The following NFATC2 variants were observed in gnomAD, a reference collection of about 807,000 sequenced individuals.
The protein encoded by NFATC2 is nuclear factor of activated T-cells, cytoplasmic 2.
Under a neutral mutation model 87.3 loss-of-function variants are expected in NFATC2, and 22 were observed. The ratio of observed to expected loss-of-function variants is 0.25; its 90% CI spans 0.18 to 0.36. The LOEUF (loss-of-function observed/expected upper bound fraction) is 0.36. Ranked by LOEUF, NFATC2 falls within the 10% of genes least tolerant of loss-of-function variation. The pLI, the probability that NFATC2 is intolerant of heterozygous loss-of-function variation, is 1.00. For synonymous variants in NFATC2, 565 were observed against 542.2 expected (o/e 1.04, Z -0.58); for missense variants, 1,149 against 1,259.1 (o/e 0.91, Z 1.32).
At chr20:51,517,205 G>A (rs1284737573) in intron 2 of NFATC2, among the ~76,000 whole-genome samples, 3 of 152,156 alleles carry the variant, frequency 2.0e-5, no homozygotes, top group African/African-American at 7.2e-5. Flanking sequence ...TGTACAGCAT[G>A]TGACTGTACT....
chr20:51,493,743 C>T (rs1284426830), intron 3 of NFATC2, among the ~76,000 whole-genome samples: 2 of 152,106 alleles, frequency 1.3e-5, no homozygotes, highest in Non-Finnish European at 2.9e-5. Flanking sequence ...CAGCTTGGTC[C>T]CTGTCCAATC....
At chr20:51,458,626 G>A (rs1351524258) in intron 5 of NFATC2, among the ~76,000 whole-genome samples, 42 of 148,492 alleles carry the variant, frequency 2.8e-4, no homozygotes, top group Admixed American at 2.6e-3. Context: ...GTGAAACCCC[G>A]TCTCTACTAA....
chr20:51,398,551 A>G (rs1206000940), intron 10 of NFATC2, 92 bp downstream of exon 10: 1 of 795,888 alleles, frequency 1.3e-6, no homozygotes, highest in Admixed American at 3.1e-5. Flanking sequence ...CAGCCTGTCA[A>G]GTTTTCTTAT....
chr20:51,435,896 C>T (rs1019958215), intron 6 of NFATC2, 135 bp from the exon 7 acceptor site: 13 of 699,662 alleles, frequency 1.9e-5, no homozygotes, highest in Admixed American at 2.3e-5. Flanking sequence ...AATATGTGCA[C>T]GTGTGTGTAC....
rs1428682477 is a variant in NFATC2, at chr20:51,562,018, T to C, written c.70+542A>G. On this transcript the variant is annotated intron_variant, in intron 1 of 10. Transcript: ENST00000414705. This position sits in a 1 kb window ranked among gnomAD's most constrained non-coding sequence, Gnocchi z 5.8. ...TTAAAGGGGTAGCTGGAGGACTCTATCCAGCAGGCACATCAAAAAGGGGGA... is the reference window on the plus strand; with the variant it reads ...TTAAAGGGGTAGCTGGAGGACTCTACCCAGCAGGCACATCAAAAAGGGGGA... Among the ~76,000 whole-genome samples, 1 of 152,020 alleles carries C rather than the reference T, an allele frequency of 6.6e-6. No individual in the cohort carries two copies.
At chr20:51,533,637 G>GAC (rs1234054090) in intron 1 of NFATC2, among the ~76,000 whole-genome samples, 1 of 152,236 alleles carries the variant, frequency 6.6e-6, no homozygotes, top group African/African-American at 2.4e-5. Context: ...CCCCAGCTAA[G>GAC]ACAGCTGTCT....
Position 51,432,297 on chromosome 20 carries a change from A to C in NFATC2, c.2492T>G (p.Ile831Ser), listed in dbSNP as rs1376160386. 4 of 1,614,014 alleles carry C rather than the reference A, an allele frequency of 2.5e-6. No individual in the cohort carries two copies. The highest frequency in any genetic ancestry group is 1.3e-5 in the African/African-American group (1 of 74,888). The change falls in exon 9 of 11, where the codon ATC becomes AGC. Residue 831 changes from isoleucine (I) to serine (S), a missense_variant. Transcript: ENST00000371564. This position sits in a 1 kb window ranked among gnomAD's most constrained non-coding sequence, Gnocchi z 4.6. ...TGGTGCGAAATTCTCGCAGTACATG[A>C]TGTGCTGGAACTCCTGGTGGCTTCC... ...RCGSHQEFQH[I>S]MYCENFAPGT...
intron 9 of NFATC2, among the ~76,000 whole-genome samples, chr20:51,424,020 C>T (rs747082987): frequency 2.3e-4 from 35 of 152,148 alleles, no homozygotes; most frequent in Non-Finnish European, 4.1e-4. Context: ...CTAAGTGGCA[C>T]AGCTTGAAAT....
intron 1 of NFATC2, among the ~76,000 whole-genome samples, chr20:51,551,843 T>C (rs112600871): frequency 0.15 from 21,932 of 151,120 alleles, 2,115 homozygotes; most frequent in African/African-American, 0.28. Flanking sequence ...CTGGCTAACA[T>C]GGTGAAACCC....
intron 6 of NFATC2, among the ~76,000 whole-genome samples, chr20:51,444,645 C>G (rs1984811998): frequency 6.6e-6 from 1 of 152,184 alleles, no homozygotes; most frequent in East Asian, 1.9e-4. Context: ...GGGAGGAAAT[C>G]AAAGTGTCAG....
At chr20:51,433,204 C>T (rs1050122943) in intron 8 of NFATC2, among the ~76,000 whole-genome samples, 3 of 152,146 alleles carry the variant, frequency 2.0e-5, no homozygotes, top group Admixed American at 1.3e-4. Context: ...TACGCCCTGC[C>T]TCCAAATGTC....
chr20:51,474,132 A>G lies in NFATC2; in HGVS notation c.1556T>C (p.Leu519Ser). 6.2e-7 allele frequency: 1 copy of G among 1,614,152 alleles called. No homozygotes were observed. Among genetic ancestry groups the G allele is most frequent in the Non-Finnish European group, 8.5e-7 (1 of 1,180,030 alleles). ...MRATIDCAGI[L>S]KLRNADIELR... ...CTCAATGTCGGCGTTTCTAAGCTTCAAGATCCCCGCACAGTCGATGCTGCC... is the reference window on the plus strand; with the variant it reads ...CTCAATGTCGGCGTTTCTAAGCTTCGAGATCCCCGCACAGTCGATGCTGCC... Residue 519 changes from leucine to serine, a missense_variant, in exon 5 of 11, where the codon TTG (leucine) becomes TCG (serine). By Grantham distance (145) the Leu-to-Ser change is moderately radical. Around this residue, in one of 3 missense-constraint regions of NFATC2, gnomAD observed 581 missense variants for 649.7 expected, o/e 0.89. Coordinates refer to ENST00000371564, the MANE Select transcript of NFATC2 (RefSeq NM_012340.5).
chr20:51,424,689 G>C (rs1445423533), intron 9 of NFATC2, among the ~76,000 whole-genome samples: 2 of 152,250 alleles, frequency 1.3e-5, no homozygotes, highest in African/African-American at 2.4e-5. Flanking sequence ...GGTCCCCATT[G>C]ACCAAATGAC....
chr20:51,552,648 C>T (rs541795604), intron 1 of NFATC2, among the ~76,000 whole-genome samples: 2 of 152,250 alleles, frequency 1.3e-5, no homozygotes, highest in South Asian at 4.2e-4. Context: ...CAGGGTTCTA[C>T]TAAAAGCCAA....
At chr20:51,493,894 T>A (rs1239539175) in intron 3 of NFATC2, among the ~76,000 whole-genome samples, 1 of 152,064 alleles carries the variant, frequency 6.6e-6, no homozygotes, top group Non-Finnish European at 1.5e-5. Flanking sequence ...AAGTCTCAGA[T>A]CCGAGACTGG....
At chr20:51,395,256 C>A (rs1986888308) in intron 10 of NFATC2, among the ~76,000 whole-genome samples, 1 of 149,556 alleles carries the variant, frequency 6.7e-6, no homozygotes, top group African/African-American at 2.6e-5. Context: ...ACAGGCAGAC[C>A]AATACTCTCC....
intron 3 of NFATC2, among the ~76,000 whole-genome samples, chr20:51,477,562 TATATATATATATATATATAA>T (rs1402075292): frequency 2.9e-4 from 36 of 123,746 alleles, no homozygotes; most frequent in Non-Finnish European, 5.5e-4. Flanking sequence ...TATATATATA[TATATATATATATATATATAA>T]AATAACAAGA....
Position 51,523,106 on chromosome 20 carries a change from G to A in NFATC2, c.1135C>T (p.Leu379=), listed in dbSNP as rs1328312931. The change falls in exon 2 of 11, where the codon CTG becomes TTG. Residue 379 remains leucine (L), a synonymous_variant. Coordinates refer to ENST00000371564, the MANE Select transcript of NFATC2 (RefSeq NM_012340.5). The surrounding 1 kb of genome is among the most constrained non-coding windows in gnomAD (Gnocchi z 6.9). The part of the protein sequence containing the change: ...LLVPPTWPKP[L]VPAIPICSIP... ...CTGCAGATGGGAATGGCAGGCACCA[G>A]CGGCTTGGGCCAAGTGGGCGGAACC... 1 of 1,614,256 alleles carries A rather than the reference G, an allele frequency of 6.2e-7. No homozygotes were observed. The highest frequency in any genetic ancestry group is 8.5e-7 in the Non-Finnish European group (1 of 1,180,050).
At chr20:51,517,542 T>A (rs867214332) in intron 2 of NFATC2, among the ~76,000 whole-genome samples, 24 of 151,216 alleles carry the variant, frequency 1.6e-4, no homozygotes, top group African/African-American at 5.8e-4. Context: ...CAATGAGCTG[T>A]GATTGCACCA....
Sources: gnomAD v4.1 joint callset for allele counts (sites outside exome capture counted in the v4.1 genomes callset) on GRCh38, gnomAD v4.1.1 for gene constraint, gnomAD v4.1.1 regional missense constraint, Gnocchi (gnomAD v3.1) non-coding constraint, MANE v1.5 for transcripts, NCBI Gene and HGNC (gene_info 2026-07-23, HGNC 2026-07-21) for gene names.